The following ACSBG2 variants were observed in gnomAD, a reference collection of about 807,000 sequenced individuals.
The protein encoded by ACSBG2 is acyl-CoA synthetase bubblegum family member 2.
ACSBG2 carries 62 observed loss-of-function variants against 74.7 expected under a neutral mutation model. The observed-to-expected ratio is 0.83, with a 90% CI of 0.68 to 1.03. The LOEUF (loss-of-function observed/expected upper bound fraction) is 1.03, where lower values mean the gene tolerates loss of function less well. ACSBG2 is among the 50% of genes least tolerant of loss of function. The probability of loss-of-function intolerance (pLI) is 0.00; values close to 1 mark genes in which losing one functional copy is unlikely to be tolerated. For missense variants in ACSBG2, 730 were observed against 817.6 expected (o/e 0.89, Z 1.31); for synonymous variants, 309 against 294.1 (o/e 1.05, Z -0.52).
chr19:6,137,162 C>T (rs1006201882), intron 1 of ACSBG2: 1 of 132,122 alleles, frequency 7.6e-6, no homozygotes, highest in Admixed American at 9.0e-5. Context: ...GGTGTGGTGG[C>T]TCACACCTGC....
At chr19:6,177,523 C>G in intron 8 of ACSBG2, 127 bp downstream of exon 8, 1 of 968,410 alleles carries the variant, frequency 1.0e-6, no homozygotes, top group Non-Finnish European at 1.5e-6. Flanking sequence ...TATCTCTGCC[C>G]TCATCTTAAT....
At chr19:6,148,540 G>A (rs896943592) in intron 3 of ACSBG2, among the ~76,000 whole-genome samples, 2 of 152,120 alleles carry the variant, frequency 1.3e-5, no homozygotes, top group African/African-American at 4.8e-5. Flanking sequence ...CAGCTATCAG[G>A]AGGCTGAGGT....
At chr19:6,170,232 TC>T (rs1286052932) in intron 7 of ACSBG2, among the ~76,000 whole-genome samples, 2 of 152,186 alleles carry the variant, frequency 1.3e-5, no homozygotes, top group Non-Finnish European at 2.9e-5. Flanking sequence ...CATAGACAGC[TC>T]TTATTATTTT....
chr19:6,160,553 G>A (rs2089573510), intron 5 of ACSBG2: 1 of 152,216 alleles, frequency 6.6e-6, no homozygotes, highest in Non-Finnish European at 1.5e-5. Flanking sequence ...AGCTAAATCT[G>A]GGCTGCAAGG....
At chr19:6,158,465 G>A (rs1167701327) in intron 5 of ACSBG2, among the ~76,000 whole-genome samples, 1 of 145,118 alleles carries the variant, frequency 6.9e-6, no homozygotes, top group African/African-American at 2.6e-5. Flanking sequence ...TCATTGTAGT[G>A]TCTTTGTATG....
Position 6,177,250 on chromosome 19 carries a change from G to A in ACSBG2, c.760G>A (p.Val254Met). The A allele has an allele frequency of 2.5e-6, 4 of 1,614,158 alleles. No homozygotes were observed. Among genetic ancestry groups the A allele is most frequent in the Non-Finnish European group, 3.4e-6 (4 of 1,180,028 alleles). Residue 254 changes from valine (V) to methionine (M), a missense_variant, in exon 8 of 15, where the codon GTG becomes ATG. Val to Met is a conservative substitution (Grantham distance 21). Coordinates refer to ENST00000588485, the MANE Select transcript of ACSBG2 (RefSeq NM_030924.5). ...HDNITWIAGA[V>M]TKDFKLTDKH... ...ACAGATCACGTGGATTGCAGGAGCA[G>A]TGACAAAGGACTTTAAACTGACAGA... is the stretch of plus-strand genomic sequence containing the variant.
chr19:6,185,387 G>A (rs2090376043), intron 10 of ACSBG2, 49 bp from the exon 11 acceptor site: 1 of 1,595,924 alleles, frequency 6.3e-7, no homozygotes, highest in Non-Finnish European at 8.6e-7. Flanking sequence ...GAGCTGGGTG[G>A]CTGACTTTGT....
chr19:6,187,951 A>G, intron 13 of ACSBG2, 106 bp downstream of exon 13: 5 of 1,508,764 alleles, frequency 3.3e-6, no homozygotes, highest in Non-Finnish European at 4.5e-6. Flanking sequence ...CTATGAAACC[A>G]GCCAGGGACC....
intron 4 of ACSBG2, among the ~76,000 whole-genome samples, chr19:6,154,339 A>C (rs1367552229): frequency 1.3e-5 from 2 of 149,706 alleles, no homozygotes; most frequent in African/African-American, 4.9e-5. Flanking sequence ...CAGAGGTTGC[A>C]GTGAGCCGAG....
chr19:6,179,710 G>A (rs867173596), intron 8 of ACSBG2, among the ~76,000 whole-genome samples: 3 of 152,062 alleles, frequency 2.0e-5, no homozygotes, highest in African/African-American at 4.8e-5. Flanking sequence ...CTCCACCTCC[G>A]GGTTAAACGA....
chr19:6,156,594 T>G (rs914748083), intron 5 of ACSBG2, 43 bp downstream of exon 5: 2 of 1,496,654 alleles, frequency 1.3e-6, no homozygotes, highest in Non-Finnish European at 8.9e-7. Context: ...CACCCAGGGG[T>G]ACCTCAGGGC....
chr19:6,155,572 TGGAGTCCA>T (rs1346514493), intron 4 of ACSBG2, among the ~76,000 whole-genome samples: 1 of 152,058 alleles, frequency 6.6e-6, no homozygotes, highest in African/African-American at 2.4e-5. Flanking sequence ...GGTGGGTCAC[TGGAGTCCA>T]GGAGTTTGAG....
At chr19:6,190,344 G>A in intron 13 of ACSBG2, 1 of 484,248 alleles carries the variant, frequency 2.1e-6, no homozygotes, top group Non-Finnish European at 3.8e-6. Context: ...GTCCACATCA[G>A]GCACAGAATG....
In ACSBG2 at chr19:6,180,108, C is replaced by CTGACT. The variant is rs2090204148; in HGVS notation, c.907-2643_907-2642insTGACT. On this transcript the variant is annotated intron_variant, in intron 8 of 14. Coordinates refer to ENST00000588485, the MANE Select transcript of ACSBG2 (RefSeq NM_030924.5). The surrounding 1 kb of genome is among the most constrained non-coding windows in gnomAD (Gnocchi z 4.3). ...CCAGCAGTGCAGCCTCTTCCCCTCT[C>CTGACT]CTGCTTCCCTCTTATAAGGACCCTG... 6.6e-6 allele frequency among the ~76,000 whole-genome samples: 1 copy of CTGACT among 152,038 alleles called. No homozygotes were observed. The highest frequency in any genetic ancestry group is 2.4e-5 in the African/African-American group (1 of 41,360).
At chr19:6,139,910 C>T (rs1189078702) in intron 1 of ACSBG2, among the ~76,000 whole-genome samples, 4 of 152,034 alleles carry the variant, frequency 2.6e-5, no homozygotes, top group Admixed American at 6.6e-5. Context: ...GAAACTCTGT[C>T]TCTACTAAAA....
intron 3 of ACSBG2, 65 bp from the exon 4 acceptor site, chr19:6,151,642 A>T (rs551904321): frequency 1.4e-6 from 2 of 1,473,156 alleles, no homozygotes; most frequent in Admixed American, 3.9e-5. Context: ...CTGTCGTCAC[A>T]TATCCTAATG....
At chr19:6,155,705 G>T (rs910617963) in intron 4 of ACSBG2, among the ~76,000 whole-genome samples, 3 of 149,560 alleles carry the variant, frequency 2.0e-5, no homozygotes, top group African/African-American at 7.4e-5. Context: ...CATGAGAATT[G>T]CTTGAATCCA....
chr19:6,173,937 A>ATTTTTT (rs56905660), intron 7 of ACSBG2, among the ~76,000 whole-genome samples: 36 of 131,002 alleles, frequency 2.7e-4, no homozygotes, highest in African/African-American at 6.5e-4. Context: ...CTCTTGAACT[A>ATTTTTT]TTTTTTTTTT....
intron 6 of ACSBG2, among the ~76,000 whole-genome samples, chr19:6,164,706 G>A (rs946091282): frequency 3.3e-5 from 5 of 152,172 alleles, no homozygotes; most frequent in African/African-American, 1.2e-4. Flanking sequence ...TGGGATTACA[G>A]GTGTGAGCCA....
Sources: allele counts gnomAD v4.1 joint callset (sites outside exome capture counted in the v4.1 genomes callset), GRCh38; gene constraint gnomAD v4.1.1; non-coding constraint Gnocchi (gnomAD v3.1); transcripts MANE v1.5; gene names NCBI Gene and HGNC (gene_info 2026-07-23, HGNC 2026-07-21).